Variants in MAP2K5 observed in about 807,000 individuals in gnomAD.
MAP2K5 encodes the protein dual specificity mitogen-activated protein kinase kinase 5.
In MAP2K5, 49 loss-of-function variants were observed where a neutral mutation model predicts 83.1. The observed-to-expected ratio is 0.59, with a 90% CI of 0.47 to 0.75. MAP2K5 has a LOEUF of 0.75. Ranked by LOEUF, MAP2K5 falls within the 30% of genes least tolerant of loss-of-function variation. The pLI is 0.00. For synonymous variants in MAP2K5, 202 were observed against 191.8 expected, an observed-to-expected ratio of 1.05 and a Z score of -0.44; for missense variants, 457 against 557.5, an observed-to-expected ratio of 0.82 and a Z score of 1.82.
At position 67,779,395 on chromosome 15, in the gene MAP2K5, A is replaced by G. The variant is rs868229332; in HGVS notation, c.1242+6643A>G. On this transcript the variant is annotated intron_variant, in intron 21 of 21. Transcript: ENST00000178640. The surrounding 1 kb of genome is among the most constrained non-coding windows in gnomAD (Gnocchi z 4.6). ...CTTTAATTTGAATTTTTGATGACAC[A>G]TTAGCACTTCAGCAAGAACAGAGAG... Among the ~76,000 whole-genome samples the G allele has an allele frequency of 6.6e-6, 1 of 152,370 alleles. No individual in the cohort carries two copies. The highest frequency in any genetic ancestry group is 1.5e-5 in the Non-Finnish European group (1 of 68,040).
At position 67,630,282 on chromosome 15, in the gene MAP2K5, G is replaced by A. The variant is rs987137028; in HGVS notation, c.546-606G>A. On this transcript the variant is annotated intron_variant, in intron 8 of 21. Transcript: ENST00000178640. ...TAAACACAAAAGGTCTTGATGGATAGTAATGGTATTTCATTTCTGTAAACC... is the reference window on the plus strand; with the variant it reads ...TAAACACAAAAGGTCTTGATGGATAATAATGGTATTTCATTTCTGTAAACC... Among the ~76,000 whole-genome samples, 23 of 152,244 alleles carry A rather than the reference G, an allele frequency of 1.5e-4. 1 individual carries two copies. Among genetic ancestry groups the A allele is most frequent in the East Asian group, 1.3e-3 (7 of 5,188 alleles).
At chr15:67,548,981 A>G in intron 1 of MAP2K5, 3 of 1,408,300 alleles carry the variant, frequency 2.1e-6, no homozygotes, top group Non-Finnish European at 2.8e-6. Flanking sequence ...AAGCTTCTAA[A>G]GAATTGCCTT....
At chr15:67,664,430 G>A (rs1251130934) in intron 12 of MAP2K5, among the ~76,000 whole-genome samples, 167 bp from the exon 13 acceptor site, 1 of 151,422 alleles carries the variant, frequency 6.6e-6, no homozygotes, top group Non-Finnish European at 1.5e-5. Flanking sequence ...GAGCCCAGGA[G>A]GTCAAGGCTA....
At chr15:67,557,836 A>G (rs2084659182) in intron 2 of MAP2K5, among the ~76,000 whole-genome samples, 1 of 152,232 alleles carries the variant, frequency 6.6e-6, no homozygotes, top group South Asian at 2.1e-4. Flanking sequence ...TTTGGAAGAA[A>G]TGAAGTTTCA....
At chr15:67,679,395 A>G (rs1394851348) in intron 13 of MAP2K5, among the ~76,000 whole-genome samples, 4 of 151,922 alleles carry the variant, frequency 2.6e-5, no homozygotes, top group African/African-American at 4.8e-5. Flanking sequence ...CAGTGGGGGG[A>G]AAAAATCAGT....
intron 8 of MAP2K5, among the ~76,000 whole-genome samples, chr15:67,617,199 T>C (rs951388303): frequency 1.3e-5 from 2 of 152,258 alleles, no homozygotes; most frequent in African/African-American, 2.4e-5. Context: ...TTGTCAGTTA[T>C]GCTGAAATCT....
At chr15:67,650,328 A>T (rs145617367) in intron 11 of MAP2K5, among the ~76,000 whole-genome samples, 1,691 of 152,172 alleles carry the variant, frequency 0.011, 15 homozygotes, top group Non-Finnish European at 0.015. Context: ...TTTCTTGCTT[A>T]ATTACCCTGG....
intron 21 of MAP2K5, among the ~76,000 whole-genome samples, chr15:67,796,452 A>C (rs2090605893): frequency 6.6e-6 from 1 of 152,184 alleles, no homozygotes; most frequent in South Asian, 2.1e-4. Context: ...CTGGCACATC[A>C]CATGGCAAAA....
rs769775880 is a variant in MAP2K5, at chr15:67,769,606, C to T, written c.1139C>T (p.Ser380Leu). 2.5e-6 allele frequency: 4 copies of T among 1,613,702 alleles called. No homozygotes were observed. The South Asian group carries it at 3.3e-5, about 13-fold the overall frequency. ...QLLQCIVDED[S>L]PVLPVGEFSE... ...CATGTTTTTCCTCCATCACAGGATT[C>T]GCCCGTCCTTCCAGTTGGAGAGTTC... The change falls in exon 20 of 22, where the codon TCG becomes TTG. Residue 380 changes from serine to leucine, a missense_variant. Physicochemically the swap from Ser to Leu is moderately radical, Grantham distance 145. Around this residue, in one of 3 missense-constraint regions of MAP2K5, gnomAD observed 168 missense variants for 263.0 expected, o/e 0.64. Coordinates refer to ENST00000178640, the MANE Select transcript of MAP2K5 (RefSeq NM_145160.3). This position sits in a 1 kb window ranked among gnomAD's most constrained non-coding sequence, Gnocchi z 5.2.
intron 21 of MAP2K5, among the ~76,000 whole-genome samples, chr15:67,789,349 T>C (rs2090474468): frequency 1.3e-5 from 2 of 152,330 alleles, no homozygotes; most frequent in South Asian, 4.2e-4. Flanking sequence ...TATGAGAATG[T>C]TAGCTCTTCT....
intron 16 of MAP2K5, among the ~76,000 whole-genome samples, chr15:67,715,234 G>T (rs1379617766): frequency 1.4e-5 from 2 of 147,222 alleles, no homozygotes; most frequent in African/African-American, 5.0e-5. Context: ...TTTTGGGCGG[G>T]GAGGGGGGGG....
Position 67,573,158 on chromosome 15 carries a change from G to T in MAP2K5, c.253-7596G>T, listed in dbSNP as rs2140981368. ...GAATACCTAACTTCCTGGGAATGTAGCCCGGGAAGTCCCAGCCTCATTTTT... is the reference window on the plus strand; with the variant it reads ...GAATACCTAACTTCCTGGGAATGTATCCCGGGAAGTCCCAGCCTCATTTTT... On this transcript the variant is annotated intron_variant, in intron 3 of 21. Transcript: ENST00000178640. The surrounding 1 kb of genome is among the most constrained non-coding windows in gnomAD (Gnocchi z 4.2). 6.6e-6 allele frequency among the ~76,000 whole-genome samples: 1 copy of T among 152,226 alleles called. No individual in the cohort carries two copies. The highest frequency in any genetic ancestry group is 2.1e-4 in the South Asian group (1 of 4,812).
At position 67,692,549 on chromosome 15, in the gene MAP2K5, T is replaced by C; in HGVS notation, c.918T>C (p.Thr306=). 1 of 1,611,198 alleles carries C rather than the reference T, an allele frequency of 6.2e-7. No homozygotes were observed. The change falls in exon 14 of 22, where the codon ACT becomes ACC. Residue 306 remains threonine, a synonymous_variant. Coordinates refer to ENST00000178640, the MANE Select transcript of MAP2K5 (RefSeq NM_145160.3). ...AGCTGTGTGATTTTGGAGTTAGCAC[T>C]CAGGTATGTCTCTTTTCCTCCCAGT... ...QVKLCDFGVS[T]QLVNSIAKTY... is the part of the protein sequence containing the mutation.
At chr15:67,623,557 A>G (rs1472563635) in intron 8 of MAP2K5, among the ~76,000 whole-genome samples, 1 of 150,502 alleles carries the variant, frequency 6.6e-6, no homozygotes, top group African/African-American at 2.4e-5. Flanking sequence ...GGCAGCTTTC[A>G]TTCTGAAATC....
chr15:67,628,455 G>A, intron 8 of MAP2K5: 2 of 572,202 alleles, frequency 3.5e-6, no homozygotes, highest in Non-Finnish European at 3.0e-6. Context: ...TCTCCAGCCT[G>A]GGCGACAGAG....
chr15:67,558,510 T>A (rs866557193), intron 2 of MAP2K5, among the ~76,000 whole-genome samples: 4 of 152,314 alleles, frequency 2.6e-5, no homozygotes, highest in Middle Eastern at 3.4e-3. Context: ...AGAAGTCAGG[T>A]GACACCACCA....
chr15:67,577,858 G>A lies in MAP2K5; in HGVS notation c.253-2896G>A, dbSNP rs1360895323. ...TCTACTAAAAATACAAAAATTAGCCGGGCCAGTGGTGGGTGCCTGTAATCC... is the reference window on the plus strand; with the variant it reads ...TCTACTAAAAATACAAAAATTAGCCAGGCCAGTGGTGGGTGCCTGTAATCC... On this transcript the variant is annotated intron_variant, in intron 3 of 21. Transcript: ENST00000178640. The surrounding 1 kb of genome is among the most constrained non-coding windows in gnomAD (Gnocchi z 4.1). 3.9e-5 allele frequency among the ~76,000 whole-genome samples: 6 copies of A among 151,998 alleles called. No homozygotes were observed. Among genetic ancestry groups the A allele is most frequent in the African/African-American group, 7.3e-5 (3 of 41,364 alleles).
chr15:67,569,132 A>C (rs2583581), intron 3 of MAP2K5, among the ~76,000 whole-genome samples: 2 of 152,210 alleles, frequency 1.3e-5, no homozygotes, highest in Non-Finnish European at 2.9e-5. Flanking sequence ...TAGAAGTTGA[A>C]TATTTAATAG....
At chr15:67,590,410 C>CCTCT (rs1485598500) in intron 6 of MAP2K5, among the ~76,000 whole-genome samples, 1 of 90,640 alleles carries the variant, frequency 1.1e-5, no homozygotes, top group Admixed American at 1.1e-4. Context: ...TTCCTTCCTC[C>CCTCT]CTCTCTCCCT....
Sources: allele counts gnomAD v4.1 joint callset (sites outside exome capture counted in the v4.1 genomes callset), GRCh38; gene constraint gnomAD v4.1.1; regional missense constraint gnomAD v4.1.1; non-coding constraint Gnocchi (gnomAD v3.1); transcripts MANE v1.5; gene names NCBI Gene and HGNC (gene_info 2026-07-23, HGNC 2026-07-21).